SEMA6D: variants seen among roughly 807,000 people sequenced by gnomAD.
SEMA6D encodes semaphorin-6D.
SEMA6D carries 35 observed loss-of-function variants against 106.6 expected under a neutral mutation model. The ratio of observed to expected loss-of-function variants is 0.33; its 90% CI spans 0.25 to 0.44. The LOEUF (loss-of-function observed/expected upper bound fraction) is 0.44. SEMA6D is among the 20% of genes least tolerant of loss of function. The probability of loss-of-function intolerance (pLI) is 1.00; values close to 1 mark genes in which losing one functional copy is unlikely to be tolerated. For missense variants in SEMA6D, 1,185 were observed against 1,345.9 expected (o/e 0.88, Z 1.87); for synonymous variants, 499 against 487.7 (o/e 1.02, Z -0.31).
intron 3 of SEMA6D, among the ~76,000 whole-genome samples, chr15:47,481,719 T>C (rs1204376777): frequency 6.6e-6 from 1 of 152,204 alleles, no homozygotes; most frequent in Non-Finnish European, 1.5e-5. Flanking sequence ...GTAATCAGCA[T>C]GGACTATTTC....
At chr15:47,503,468 A>G (rs1404250673) in intron 3 of SEMA6D, among the ~76,000 whole-genome samples, 1 of 152,196 alleles carries the variant, frequency 6.6e-6, no homozygotes, top group Non-Finnish European at 1.5e-5. Flanking sequence ...CAGCTAGATG[A>G]CTATGGGCTG....
At chr15:47,688,677 C>T (rs190195889) in intron 4 of SEMA6D, among the ~76,000 whole-genome samples, 12 of 152,232 alleles carry the variant, frequency 7.9e-5, no homozygotes, top group Non-Finnish European at 1.2e-4. Context: ...TTTCAGCAGA[C>T]TACTTGGAAG....
intron 1 of SEMA6D, among the ~76,000 whole-genome samples, chr15:47,732,863 C>T (rs1283004881): frequency 2.0e-5 from 3 of 152,184 alleles, no homozygotes; most frequent in Non-Finnish European, 4.4e-5. Context: ...AACGACTTCT[C>T]TTTCACTATA....
chr15:47,764,007 A>G lies in SEMA6D; in HGVS notation c.905A>G (p.Asp302Gly), dbSNP rs1327366632. The G allele has an allele frequency of 6.2e-7, 1 of 1,613,920 alleles. No homozygotes were observed. Among genetic ancestry groups the G allele is most frequent in the Admixed American group, 1.7e-5 (1 of 60,016 alleles). The change falls in exon 10 of 19, where the codon GAC (aspartate) becomes GGC (glycine). Residue 302 changes from aspartate (D) to glycine (G), a missense_variant. Physicochemically the swap from Asp to Gly is moderately conservative, Grantham distance 94 (BLOSUM62 -1). Coordinates refer to ENST00000536845, the MANE Select transcript of SEMA6D (RefSeq NM_001358351.3). ...FYFDVLQSIT[D>G]IIQINGIPTV... Reference sequence around the variant, plus strand: ...TTTGATGTTCTGCAGTCTATTACAGACATAATACAAATCAATGGCATCCCC... The same window carrying G: ...TTTGATGTTCTGCAGTCTATTACAGGCATAATACAAATCAATGGCATCCCC...
chr15:47,246,920 G>A (rs1421463995), intron 1 of SEMA6D, among the ~76,000 whole-genome samples: 1 of 152,266 alleles, frequency 6.6e-6, no homozygotes, highest in African/African-American at 2.4e-5. Flanking sequence ...TGGGTGTGTG[G>A]CGGCCAAATG....
At chr15:47,530,569 T>A (rs2044927497) in intron 3 of SEMA6D, among the ~76,000 whole-genome samples, 1 of 152,182 alleles carries the variant, frequency 6.6e-6, no homozygotes, top group South Asian at 2.1e-4. Context: ...CTAATTAAGA[T>A]CACAAGATTT....
intron 2 of SEMA6D, among the ~76,000 whole-genome samples, chr15:47,457,464 AAAAG>A (rs1176860256): frequency 6.6e-6 from 1 of 151,966 alleles, no homozygotes; most frequent in Non-Finnish European, 1.5e-5. Context: ...TCAAGAAAGT[AAAAG>A]AAAGCATGAG....
At chr15:47,405,733 A>G (rs919119971) in intron 1 of SEMA6D, among the ~76,000 whole-genome samples, 4 of 152,126 alleles carry the variant, frequency 2.6e-5, no homozygotes, top group African/African-American at 9.7e-5. Context: ...TGCACTGCTA[A>G]TATTTCAGTG....
At chr15:47,730,679 G>A in intron 1 of SEMA6D, 1 of 1,608,708 alleles carries the variant, frequency 6.2e-7, no homozygotes, top group Non-Finnish European at 8.5e-7. Flanking sequence ...TGGCGGTCCA[G>A]GGCCTGGGTG....
At chr15:47,401,076 G>T (rs1381234589) in intron 1 of SEMA6D, among the ~76,000 whole-genome samples, 3 of 152,210 alleles carry the variant, frequency 2.0e-5, no homozygotes, top group Non-Finnish European at 4.4e-5. Context: ...ACCTGATAGG[G>T]TTGCTGAGCA....
intron 2 of SEMA6D, among the ~76,000 whole-genome samples, chr15:47,459,896 T>A (rs2042452455): frequency 6.6e-6 from 1 of 152,062 alleles, no homozygotes; most frequent in Admixed American, 6.6e-5. Flanking sequence ...CTACTTCAAT[T>A]TCCTAAATAA....
chr15:47,771,278 G>A lies in SEMA6D; in HGVS notation c.2715G>A (p.Gln905=). 6.2e-7 allele frequency: 1 copy of A among 1,614,006 alleles called. No homozygotes were observed. The highest frequency in any genetic ancestry group is 1.1e-5 in the South Asian group (1 of 91,074). Residue 905 remains glutamine, a synonymous_variant, in exon 19 of 19, where the codon CAG becomes CAA. Transcript: ENST00000536845. ...AIMGDIQMAH[Q]NLMLDPMGSM... ...TGGGAGACATCCAGATGGCACACCA[G>A]AACTTAATGCTGGATCCCATGGGAT... is the stretch of plus-strand genomic sequence containing the variant.
intron 4 of SEMA6D, among the ~76,000 whole-genome samples, chr15:47,618,458 T>C (rs2077044082): frequency 6.6e-6 from 1 of 152,198 alleles, no homozygotes. Flanking sequence ...TACACAAGCC[T>C]CTGAAAAGTA....
chr15:47,533,203 A>G (rs1209349861), intron 3 of SEMA6D, among the ~76,000 whole-genome samples: 1 of 152,228 alleles, frequency 6.6e-6, no homozygotes, highest in Non-Finnish European at 1.5e-5. Context: ...AGATGGTAAG[A>G]AATTATAATG....
At chr15:47,589,244 A>T (rs1386072506) in intron 3 of SEMA6D, among the ~76,000 whole-genome samples, 4 of 152,176 alleles carry the variant, frequency 2.6e-5, no homozygotes, top group African/African-American at 9.6e-5. Context: ...GTGGCAAGAA[A>T]GGGTACATGG....
At chr15:47,396,886 G>A (rs1041285747) in intron 1 of SEMA6D, among the ~76,000 whole-genome samples, 1 of 152,126 alleles carries the variant, frequency 6.6e-6, no homozygotes, top group Non-Finnish European at 1.5e-5. Flanking sequence ...CATATTAAAG[G>A]TACTAAAATA....
chr15:47,227,931 A>T (rs1445689142), intron 1 of SEMA6D, among the ~76,000 whole-genome samples: 1 of 127,108 alleles, frequency 7.9e-6, no homozygotes, highest in Admixed American at 8.9e-5. Context: ...TATATATATA[A>T]GAATCTTATA....
At chr15:47,290,313 A>G (rs956488229) in intron 1 of SEMA6D, among the ~76,000 whole-genome samples, 12 of 152,180 alleles carry the variant, frequency 7.9e-5, no homozygotes, top group South Asian at 4.1e-4. Flanking sequence ...CTAAAGTAAG[A>G]ATGTTTCATT....
rs966775542 is a variant in SEMA6D at position 47,761,955 on chromosome 15, G to A, written c.538+204G>A. ...TGCACACTATAAGTATTATGACACCGTGTTGTTAACTAGGCCAGTGGCCCC... is the reference window on the plus strand; with the variant it reads ...TGCACACTATAAGTATTATGACACCATGTTGTTAACTAGGCCAGTGGCCCC... On this transcript the variant is annotated intron_variant, in intron 7 of 18. Transcript: ENST00000536845. 5.3e-5 allele frequency among the ~76,000 whole-genome samples: 8 copies of A among 152,144 alleles called. No individual in the cohort carries two copies. The East Asian group carries it at 7.7e-4, about 15-fold the overall frequency.
Sources: gnomAD v4.1 joint callset for allele counts (sites outside exome capture counted in the v4.1 genomes callset) on GRCh38, gnomAD v4.1.1 for gene constraint, MANE v1.5 for transcripts, NCBI Gene and HGNC (gene_info 2026-07-23, HGNC 2026-07-21) for gene names.